The following NAV3 variants were observed in gnomAD, a reference collection of about 807,000 sequenced individuals.
NAV3 encodes the protein neuron navigator 3, also known as pore membrane and/or filament interacting like protein 1.
NAV3 carries 87 observed loss-of-function variants against 244.7 expected under a neutral mutation model. The ratio of observed to expected loss-of-function variants is 0.36; its 90% CI spans 0.30 to 0.42. The LOEUF (loss-of-function observed/expected upper bound fraction) is 0.42, where lower values mean the gene tolerates loss of function less well. Among genes scored for constraint, NAV3 ranks in the 20% least tolerant of loss-of-function variants. The pLI is 1.00. For missense variants in NAV3, 2,663 were observed against 2,893.3 expected, an observed-to-expected ratio of 0.92 and a Z score of 1.83; for synonymous variants, 1,126 against 1,042.2, an observed-to-expected ratio of 1.08 and a Z score of -1.55.
intron 2 of NAV3, among the ~76,000 whole-genome samples, chr12:77,805,713 A>G (rs530184281): frequency 2.0e-5 from 3 of 151,998 alleles, no homozygotes; most frequent in Non-Finnish European, 4.4e-5. Flanking sequence ...CTCTTTTTCT[A>G]TTGATTGGAA....
At chr12:77,731,713 T>C (rs1469007702) in intron 2 of NAV3, among the ~76,000 whole-genome samples, 1 of 151,974 alleles carries the variant, frequency 6.6e-6, no homozygotes, top group African/African-American at 2.4e-5. Flanking sequence ...GAATGAAACC[T>C]GATGGTGACA....
At chr12:77,828,306 G>A (rs1873227469), upstream of NAV3, among the ~76,000 whole-genome samples, 1 of 152,070 alleles carries the variant, frequency 6.6e-6, no homozygotes, top group South Asian at 2.1e-4. Flanking sequence ...CACCACATAT[G>A]GGCCCCTCAC....
chr12:78,053,687 T>C (rs1369102363), intron 11 of NAV3, among the ~76,000 whole-genome samples: 1 of 152,030 alleles, frequency 6.6e-6, no homozygotes, highest in African/African-American at 2.4e-5. Flanking sequence ...ACACAAAAAA[T>C]GTGGAAAACA....
intron 24 of NAV3, among the ~76,000 whole-genome samples, chr12:78,171,960 T>A (rs990424957): frequency 6.6e-6 from 1 of 151,528 alleles, no homozygotes; most frequent in Admixed American, 6.6e-5. Flanking sequence ...ATGACTATAG[T>A]CTATAATAAA....
At chr12:77,664,477 G>A (rs1170501309) in intron 2 of NAV3, among the ~76,000 whole-genome samples, 1 of 152,106 alleles carries the variant, frequency 6.6e-6, no homozygotes, top group Non-Finnish European at 1.5e-5. Flanking sequence ...ATGTGCACTT[G>A]TAATTATGTT....
intron 30 of NAV3, among the ~76,000 whole-genome samples, chr12:78,181,846 C>CAGAAGG (rs1958512204): frequency 1.3e-5 from 2 of 151,882 alleles, no homozygotes; most frequent in Admixed American, 6.6e-5. Flanking sequence ...TATTAAAATA[C>CAGAAGG]AGAAGGAGAA....
At chr12:77,630,465 C>A (rs1433579101) in intron 2 of NAV3, among the ~76,000 whole-genome samples, 1 of 152,132 alleles carries the variant, frequency 6.6e-6, no homozygotes, top group Non-Finnish European at 1.5e-5. Flanking sequence ...CTTCTGTACT[C>A]TCCATAGAAT....
At chr12:77,855,549 G>A (rs1441698115) in intron 1 of NAV3, among the ~76,000 whole-genome samples, 1 of 152,182 alleles carries the variant, frequency 6.6e-6, no homozygotes, top group Non-Finnish European at 1.5e-5. Context: ...TCAAGGTGGG[G>A]TACAGAAGTG....
At chr12:77,796,199 T>C (rs1052497827) in intron 2 of NAV3, among the ~76,000 whole-genome samples, 2 of 152,108 alleles carry the variant, frequency 1.3e-5, no homozygotes, top group Non-Finnish European at 2.9e-5. Context: ...CATTTATGAT[T>C]CATGGGAGGA....
chr12:77,580,524 C>G (rs1289243485), intron 2 of NAV3, among the ~76,000 whole-genome samples: 3 of 152,154 alleles, frequency 2.0e-5, no homozygotes, highest in Admixed American at 6.5e-5. Flanking sequence ...GAAGAGAAGT[C>G]TATGTTCAAA....
intron 12 of NAV3, among the ~76,000 whole-genome samples, chr12:78,099,119 C>T (rs7973833): frequency 0.14 from 21,819 of 151,404 alleles, 1,599 homozygotes; most frequent in Non-Finnish European, 0.15. Flanking sequence ...TAATTCTAAA[C>T]ATAATCTCAA....
chr12:77,723,683 G>A (rs1043715137), intron 2 of NAV3, among the ~76,000 whole-genome samples: 4 of 147,322 alleles, frequency 2.7e-5, no homozygotes, highest in African/African-American at 1.0e-4. Flanking sequence ...GGAAGATCCT[G>A]ATCCATAGTT....
chr12:78,163,008 A>G (rs1957629890), intron 23 of NAV3, among the ~76,000 whole-genome samples: 1 of 148,292 alleles, frequency 6.7e-6, no homozygotes, highest in African/African-American at 2.5e-5. Context: ...GATGATAAGC[A>G]CTACTGAAAA....
chr12:78,143,420 C>G (rs1341478328), intron 20 of NAV3: 1 of 436,904 alleles, frequency 2.3e-6, no homozygotes, highest in African/African-American at 2.1e-5. Flanking sequence ...CACTTGAGGT[C>G]AGGAGTTCGA....
intron 2 of NAV3, among the ~76,000 whole-genome samples, chr12:77,819,906 G>T (rs1237864074): frequency 6.6e-6 from 1 of 152,026 alleles, no homozygotes; most frequent in African/African-American, 2.4e-5. Flanking sequence ...GAAAGAGCTC[G>T]GCAACTACTT....
intron 1 of NAV3, among the ~76,000 whole-genome samples, chr12:77,880,787 A>C (rs1882533944): frequency 6.6e-6 from 1 of 152,152 alleles, no homozygotes. Flanking sequence ...TTCTAACATA[A>C]GAACGATAGC....
intron 3 of NAV3, among the ~76,000 whole-genome samples, chr12:77,943,387 C>G (rs147475213): frequency 6.6e-6 from 1 of 152,194 alleles, no homozygotes; most frequent in African/African-American, 2.4e-5. Context: ...CGAATATTGA[C>G]TAAGAATGAC....
intron 30 of NAV3, 79 bp downstream of exon 30, chr12:78,181,124 T>C: frequency 7.8e-7 from 1 of 1,286,706 alleles, no homozygotes; most frequent in African/African-American, 1.5e-5. Flanking sequence ...TTGGAGAACT[T>C]TACGTACTCT....
In NAV3 at chr12:78,190,001, T is replaced by A. The variant is rs1163926499; in HGVS notation, c.6073T>A (p.Leu2025Met). 2 of 1,612,576 alleles carry A rather than the reference T, an allele frequency of 1.2e-6. No individual in the cohort carries two copies. The highest frequency in any genetic ancestry group is 1.7e-6 in the Non-Finnish European group (2 of 1,179,178). The change falls in exon 34 of 40, where the codon TTG (leucine) becomes ATG (methionine). Residue 2025 changes from leucine to methionine, a missense_variant. Physicochemically the swap from Leu to Met is conservative, Grantham distance 15 (BLOSUM62 2). Around this residue, in one of 6 missense-constraint regions of NAV3, gnomAD observed 543 missense variants for 672.4 expected, o/e 0.81. Transcript: ENST00000397909. ...VNLKGVEENS[L>M]DSFVFDTLIP... ...TCTTTCAGGGGTAGAAGAAAATAGT[T>A]TGGACAGTTTTGTTTTTGATACGCT...
Sources: gnomAD v4.1 joint callset for allele counts (sites outside exome capture counted in the v4.1 genomes callset) on GRCh38, gnomAD v4.1.1 for gene constraint, gnomAD v4.1.1 regional missense constraint, MANE v1.5 for transcripts, NCBI Gene and HGNC (gene_info 2026-07-23, HGNC 2026-07-21) for gene names.